LIMCH1: variants seen among roughly 807,000 people sequenced by gnomAD.
LIMCH1 encodes the protein LIM and calponin homology domains 1.
Under a neutral mutation model 176.5 loss-of-function variants are expected in LIMCH1, and 113 were observed. That is an observed-to-expected ratio of 0.64 (90% confidence interval 0.55 to 0.75). The LOEUF is 0.75. Among genes scored for constraint, LIMCH1 ranks in the 30% least tolerant of loss-of-function variants. The pLI, the probability that LIMCH1 is intolerant of heterozygous loss-of-function variation, is 0.00. For missense variants in LIMCH1, 1,674 were observed against 1,814.9 expected, an observed-to-expected ratio of 0.92 and a Z score of 1.41; for synonymous variants, 619 against 645.9, an observed-to-expected ratio of 0.96 and a Z score of 0.63.
chr4:41,520,498 C>A (rs1000072272), intron 2 of LIMCH1, among the ~76,000 whole-genome samples: 4 of 152,114 alleles, frequency 2.6e-5, no homozygotes, highest in Admixed American at 2.6e-4. Flanking sequence ...AAATTTTCTT[C>A]TTATTTATTT....
chr4:41,657,650 A>G (rs193120082), intron 18 of LIMCH1, among the ~76,000 whole-genome samples: 1 of 152,242 alleles, frequency 6.6e-6, no homozygotes, highest in East Asian at 1.9e-4. Context: ...CTCTTACTTT[A>G]TCTGAATATT....
chr4:41,647,989 G>C (rs1056388145), intron 17 of LIMCH1, among the ~76,000 whole-genome samples: 1 of 152,176 alleles, frequency 6.6e-6, no homozygotes, highest in African/African-American at 2.4e-5. Flanking sequence ...CTCAGCAAGT[G>C]CTCCTTAAAT....
intron 2 of LIMCH1, among the ~76,000 whole-genome samples, chr4:41,499,654 C>T (rs2154178307): frequency 6.6e-6 from 1 of 152,262 alleles, no homozygotes; most frequent in East Asian, 1.9e-4. Flanking sequence ...CCTGTCTCTA[C>T]TAAAAATACA....
At chr4:41,488,225 C>A (rs1053855318) in intron 1 of LIMCH1, among the ~76,000 whole-genome samples, 4 of 152,148 alleles carry the variant, frequency 2.6e-5, no homozygotes, top group Admixed American at 6.5e-5. Flanking sequence ...TGTTTTAGAA[C>A]CTTTCCAATC....
intron 2 of LIMCH1, among the ~76,000 whole-genome samples, chr4:41,521,477 C>T (rs901081807): frequency 1.3e-5 from 2 of 152,204 alleles, no homozygotes; most frequent in East Asian, 1.9e-4. Context: ...TATATCTTAA[C>T]TTATATAGGA....
chr4:41,632,615 T>A, intron 10 of LIMCH1, 134 bp from the exon 11 acceptor site: 1 of 715,912 alleles, frequency 1.4e-6, no homozygotes, highest in Non-Finnish European at 2.4e-6. Flanking sequence ...TATATCATCC[T>A]TACTAACCAG....
At chr4:41,638,108 G>GT (rs1458050843) in intron 13 of LIMCH1, among the ~76,000 whole-genome samples, 1 of 76,486 alleles carries the variant, frequency 1.3e-5, no homozygotes. Flanking sequence ...TTGTTTTGTT[G>GT]TTGTTGTTGT....
Position 41,662,865 on chromosome 4 carries a change from G to C in LIMCH1, c.3172G>C (p.Val1058Leu). The change falls in exon 20 of 32, where the codon GTG (valine) becomes CTG (leucine). Residue 1058 changes from valine to leucine, a missense_variant. This residue lies in a region of LIMCH1 where 1,015 missense variants were observed against 1,102.5 expected (regional missense o/e 0.92). Transcript: ENST00000503057. The part of the protein sequence containing the change: ...TTTVTRCSPT[V>L]AFVEFPSSPQ... ...AACTGTGACTCGATGCAGCCCGACC[G>C]TGGCCTTTGTGGAATTTCCCTCCAG... 1 of 1,614,048 alleles carries C rather than the reference G, an allele frequency of 6.2e-7. No individual in the cohort carries two copies. Among genetic ancestry groups the C allele is most frequent in the Non-Finnish European group, 8.5e-7 (1 of 1,179,990 alleles).
chr4:41,649,166 G>A (rs919114117), intron 17 of LIMCH1, among the ~76,000 whole-genome samples: 3 of 152,302 alleles, frequency 2.0e-5, no homozygotes, highest in Non-Finnish European at 2.9e-5. Flanking sequence ...TTGGGAGGCC[G>A]AGGCAGGCAG....
At position 41,644,364 on chromosome 4, in the gene LIMCH1, A is replaced by T. The variant is rs2093964376; in HGVS notation, c.2127-136A>T. 5.9e-6 allele frequency: 7 copies of T among 1,182,836 alleles called. No individual in the cohort carries two copies. The South Asian group carries it at 9.1e-5, about 15-fold the overall frequency. 73.3% of individuals were successfully genotyped at this position (1,182,836 alleles called of 1,614,324 possible). On this transcript the variant is annotated intron_variant, in intron 14 of 31. Coordinates refer to ENST00000503057, the MANE Select transcript of LIMCH1 (RefSeq NM_001330672.2). ...CCAGGGCCAGAACACACCGCCAGTCACGCGCTGTGCGCAGCCCGGGAAGGG... is the reference window on the plus strand; with the variant it reads ...CCAGGGCCAGAACACACCGCCAGTCTCGCGCTGTGCGCAGCCCGGGAAGGG...
In LIMCH1 at chr4:41,376,049, G is replaced by A. The variant is rs111413809; in HGVS notation, c.96+15113G>A. Among the ~76,000 whole-genome samples the A allele has an allele frequency of 3.7e-3, 569 of 152,280 alleles. 10 individuals are homozygous for A. The highest frequency in any genetic ancestry group is 0.012 in the African/African-American group (498 of 41,578). ...ATTAGAACATTTGCCCTTGACATGA[G>A]TTTCTTATTTATCCTATTCAACATT... On this transcript the variant is annotated intron_variant, in intron 1 of 26. Coordinates refer to the LIMCH1 transcript ENST00000313860.
At chr4:41,447,399 A>G (rs1178527922) in intron 1 of LIMCH1, among the ~76,000 whole-genome samples, 1 of 152,216 alleles carries the variant, frequency 6.6e-6, no homozygotes, top group Non-Finnish European at 1.5e-5. Context: ...TATATCTGGA[A>G]AGAAGACAAA....
At chr4:41,696,293 CTG>C (rs1184675173) in intron 31 of LIMCH1, among the ~76,000 whole-genome samples, 1 of 152,188 alleles carries the variant, frequency 6.6e-6, no homozygotes, top group Non-Finnish European at 1.5e-5. Context: ...TGTTGGATGA[CTG>C]TGTCTTTGTA....
intron 4 of LIMCH1, chr4:41,612,854 T>TC (rs2091603769): frequency 1.6e-5 from 15 of 967,204 alleles, no homozygotes; most frequent in Admixed American, 3.8e-5. Flanking sequence ...TGCCTTTCTT[T>TC]TTTTTTTTTT....
intron 1 of LIMCH1, among the ~76,000 whole-genome samples, chr4:41,467,993 C>T (rs992060771): frequency 6.6e-6 from 1 of 152,140 alleles, no homozygotes; most frequent in Non-Finnish European, 1.5e-5. Flanking sequence ...TGATAATCTC[C>T]ACTTTTTTCA....
intron 1 of LIMCH1, among the ~76,000 whole-genome samples, chr4:41,590,897 A>G (rs2087427221): frequency 6.6e-6 from 1 of 152,200 alleles, no homozygotes; most frequent in Admixed American, 6.5e-5. Flanking sequence ...GCAACTGTGA[A>G]CACACGGCAG....
chr4:41,458,460 C>T (rs747624835), intron 1 of LIMCH1, among the ~76,000 whole-genome samples: 1 of 151,906 alleles, frequency 6.6e-6, no homozygotes, highest in Non-Finnish European at 1.5e-5. Context: ...AGAGTAGGAG[C>T]CAAGGCTGGA....
At chr4:41,483,467 G>GA (rs2068994516) in intron 1 of LIMCH1, among the ~76,000 whole-genome samples, 1 of 152,126 alleles carries the variant, frequency 6.6e-6, no homozygotes, top group Non-Finnish European at 1.5e-5. Context: ...TTAGAGGTAG[G>GA]AAATTGGTGG....
intron 1 of LIMCH1, among the ~76,000 whole-genome samples, chr4:41,548,177 CTTTG>C (rs2079867643): frequency 6.6e-6 from 1 of 151,824 alleles, no homozygotes; most frequent in African/African-American, 2.4e-5. Context: ...TATCTCTACC[CTTTG>C]TTTAAGGCTT....
Sources: allele counts gnomAD v4.1 joint callset (sites outside exome capture counted in the v4.1 genomes callset), GRCh38; gene constraint gnomAD v4.1.1; regional missense constraint gnomAD v4.1.1; transcripts MANE v1.5; gene names NCBI Gene and HGNC (gene_info 2026-07-23, HGNC 2026-07-21).